Variants in NRG1 observed in about 807,000 individuals in gnomAD.
NRG1 encodes neuregulin 1, also known as pro-neuregulin-1, membrane-bound isoform.
Under a neutral mutation model 63.8 loss-of-function variants are expected in NRG1, and 18 were observed. That is an observed-to-expected ratio of 0.28 (90% CI 0.19 to 0.42). The LOEUF is 0.42. Ranked by LOEUF, NRG1 falls within the 10% of genes least tolerant of loss-of-function variation. The probability of loss-of-function intolerance (pLI) is 1.00; values close to 1 mark genes in which losing one functional copy is unlikely to be tolerated. For synonymous variants in NRG1, 302 were observed against 301.3 expected (o/e 1.00, Z -0.02); for missense variants, 762 against 814.7 (o/e 0.94, Z 0.79).
intron 5 of NRG1, among the ~76,000 whole-genome samples, chr8:32,635,621 C>T (rs1851198515): frequency 1.3e-5 from 2 of 152,090 alleles, no homozygotes; most frequent in African/African-American, 2.4e-5. Flanking sequence ...TGTAAAACCA[C>T]CTGTCTCTGG....
At chr8:32,201,822 A>G (rs1292053615) in intron 1 of NRG1, among the ~76,000 whole-genome samples, 1 of 152,234 alleles carries the variant, frequency 6.6e-6, no homozygotes, top group Non-Finnish European at 1.5e-5. Context: ...CTTATAATCC[A>G]AGAAGTGCCA....
chr8:31,765,975 C>T (rs1014765294), intron 1 of NRG1, among the ~76,000 whole-genome samples: 13 of 152,058 alleles, frequency 8.5e-5, no homozygotes, highest in African/African-American at 3.1e-4. Context: ...GAGTTTTCCC[C>T]AGATTTTTAT....
chr8:32,642,799 A>G (rs920068104), intron 5 of NRG1, among the ~76,000 whole-genome samples: 3 of 152,232 alleles, frequency 2.0e-5, no homozygotes, highest in African/African-American at 7.2e-5. Flanking sequence ...TTTGGAGATA[A>G]TATTTTTAGA....
At position 32,559,245 on chromosome 8, in the gene NRG1, T is replaced by TAAAAAAAAAAAAAAAAAAAAAAA. The variant is rs545838945; in HGVS notation, c.100+10437_100+10438insAAAAAAAAAAAAAAAAAAAAAAA. Among the ~76,000 whole-genome samples, 18 of 96,748 alleles carry TAAAAAAAAAAAAAAAAAAAAAAA rather than the reference T, an allele frequency of 1.9e-4. 2 individuals carry two copies. The highest frequency in any genetic ancestry group is 7.9e-3 in the Middle Eastern group (1 of 126). 63.5% of individuals were successfully genotyped at this position (96,748 alleles called of 152,430 possible). A position where few individuals can be genotyped will look rare whatever the true frequency, so the allele number is the denominator to read the frequency against. On this transcript the variant is annotated intron_variant, in intron 1 of 11. Coordinates refer to ENST00000356819, the Ensembl canonical transcript of NRG1. ...TAGTATGTCATCTCACTCTAAAATGTAAAAAAAAAAAAAAAAAATCACTAC... is the reference window on the plus strand; with the variant it reads ...TAGTATGTCATCTCACTCTAAAATGTAAAAAAAAAAAAAAAAAAAAAAAAAAAAAAAAAAAAAAAAATCACTAC...
chr8:32,623,066 A>G (rs1011675236), intron 5 of NRG1, among the ~76,000 whole-genome samples: 2 of 152,244 alleles, frequency 1.3e-5, no homozygotes, highest in African/African-American at 4.8e-5. Context: ...GAAGTCTTCT[A>G]TGAAATCTCT....
intron 1 of NRG1, among the ~76,000 whole-genome samples, chr8:31,716,141 T>C (rs1292885802): frequency 6.6e-6 from 1 of 152,178 alleles, no homozygotes. Flanking sequence ...AGGGAGAAGC[T>C]ATATTAAGTG....
rs554051985 is a variant in NRG1 at position 32,684,043 on chromosome 8, A to G, written c.503-43906A>G. Among the ~76,000 whole-genome samples the G allele has an allele frequency of 2.0e-5, 3 of 152,242 alleles. No homozygotes were observed. In the South Asian group the frequency reaches 6.2e-4, roughly 32 times the overall value. On this transcript the variant is annotated intron_variant, in intron 5 of 11. Coordinates refer to ENST00000356819, the Ensembl canonical transcript of NRG1. ...AACCCCACCGCTACTATAAATACAA[A>G]AAAACTAGCCAGGTATATTGGTGCA...
intron 1 of NRG1, among the ~76,000 whole-genome samples, chr8:31,965,482 C>T (rs1806168212): frequency 1.3e-5 from 2 of 152,154 alleles, no homozygotes; most frequent in Admixed American, 6.5e-5. Flanking sequence ...CTTGGCCTCT[C>T]AAAGTGCTGG....
At chr8:32,696,766 A>G (rs1813430924) in intron 5 of NRG1, among the ~76,000 whole-genome samples, 1 of 149,214 alleles carries the variant, frequency 6.7e-6, no homozygotes, top group Admixed American at 6.8e-5. Context: ...GGCTCAAGCA[A>G]TTCTCCTGCC....
chr8:31,695,350 A>G (rs1809948890), intron 1 of NRG1, among the ~76,000 whole-genome samples: 1 of 152,176 alleles, frequency 6.6e-6, no homozygotes, highest in Non-Finnish European at 1.5e-5. Flanking sequence ...TTATATTTTT[A>G]GTAAATACGG....
At chr8:32,256,663 TC>T in intron 1 of NRG1, 1 of 152,834 alleles carries the variant, frequency 6.5e-6, no homozygotes, top group East Asian at 1.9e-4. Flanking sequence ...GAAAACTTTG[TC>T]CCAGAGGGAC....
chr8:31,853,986 T>G (rs1423723355), intron 1 of NRG1, among the ~76,000 whole-genome samples: 2 of 148,120 alleles, frequency 1.4e-5, no homozygotes, highest in East Asian at 4.0e-4. Context: ...TGGATAAGCT[T>G]TTTGATGTGC....
chr8:31,876,860 T>C (rs1829965183), intron 1 of NRG1, among the ~76,000 whole-genome samples: 1 of 152,126 alleles, frequency 6.6e-6, no homozygotes, highest in Non-Finnish European at 1.5e-5. Context: ...AATATACATA[T>C]ACATAAATAA....
Position 31,912,168 on chromosome 8 carries a change from T to C in NRG1, c.37+272737T>C, listed in dbSNP as rs1832997574. Among the ~76,000 whole-genome samples, 3 of 152,202 alleles carry C rather than the reference T, an allele frequency of 2.0e-5. No homozygotes were observed. The South Asian group carries it at 6.2e-4, about 31-fold the overall frequency. ...TATTGGGAGTAAGCACAGGGCCAAA[T>C]GCAATCATGTATAGAAAAGCATTCC... is the stretch of plus-strand genomic sequence containing the variant. On this transcript the variant is annotated intron_variant, in intron 1 of 10. Coordinates refer to the NRG1 transcript ENST00000519301.
At chr8:32,163,748 G>T (rs959926762) in intron 1 of NRG1, among the ~76,000 whole-genome samples, 1 of 152,170 alleles carries the variant, frequency 6.6e-6, no homozygotes, top group Non-Finnish European at 1.5e-5. Flanking sequence ...TTGCAAAGGT[G>T]GAAACACTGG....
At chr8:32,537,966 C>G (rs1012411487) in intron 1 of NRG1, among the ~76,000 whole-genome samples, 2 of 152,192 alleles carry the variant, frequency 1.3e-5, no homozygotes, top group Admixed American at 1.3e-4. Flanking sequence ...ATTCTCCTCC[C>G]TCAGCCTCCG....
chr8:32,191,044 C>A (rs1842445659), intron 1 of NRG1, among the ~76,000 whole-genome samples: 1 of 152,008 alleles, frequency 6.6e-6, no homozygotes, highest in African/African-American at 2.4e-5. Flanking sequence ...ACTGTGCAAA[C>A]AATTCTTGAA....
intron 5 of NRG1, among the ~76,000 whole-genome samples, chr8:32,706,156 C>A (rs755338380): frequency 1.3e-5 from 2 of 152,162 alleles, no homozygotes; most frequent in Non-Finnish European, 2.9e-5. Context: ...AAATCTTTGT[C>A]TCTAATGGAT....
chr8:31,807,537 A>G (rs1177930619), intron 1 of NRG1, among the ~76,000 whole-genome samples: 3 of 152,178 alleles, frequency 2.0e-5, no homozygotes, highest in African/African-American at 7.2e-5. Context: ...AAAACATTCA[A>G]TGTTCTCACT....
Sources: gnomAD v4.1 joint callset for allele counts (sites outside exome capture counted in the v4.1 genomes callset) on GRCh38, gnomAD v4.1.1 for gene constraint, MANE v1.5 for transcripts, NCBI Gene and HGNC (gene_info 2026-07-23, HGNC 2026-07-21) for gene names.